FLNC: variants seen among roughly 807,000 people sequenced by gnomAD.
The protein encoded by FLNC is filamin-C.
A neutral mutation model predicts 254.3 loss-of-function variants in FLNC; 91 were observed. The observed-to-expected ratio is 0.36, with a 90% CI of 0.30 to 0.43. The LOEUF is 0.43. Ranked by LOEUF, FLNC falls within the 20% of genes least tolerant of loss-of-function variation. The pLI is 1.00. For missense variants in FLNC, 2,853 were observed against 3,802.6 expected, an observed-to-expected ratio of 0.75 and a Z score of 6.57; for synonymous variants, 1,430 against 1,577.2, an observed-to-expected ratio of 0.91 and a Z score of 2.21.
rs745413025 is a variant in FLNC, at chr7:128,846,404, C to T, written c.4068C>T (p.Phe1356=). 1.1e-5 allele frequency: 17 copies of T among 1,609,082 alleles called. No homozygotes were observed. Among genetic ancestry groups the T allele is most frequent in the Middle Eastern group, 3.3e-4 (2 of 6,084 alleles). The change falls in exon 23 of 48, where the codon TTC becomes TTT. Residue 1356 remains phenylalanine, a synonymous_variant. Transcript: ENST00000325888. ...EGCDPTRVRA[F]GPGLEGGLVN... is the part of the protein sequence containing the mutation. ...GTGATCCCACCCGCGTCCGAGCCTT[C>T]GGGCCAGGCCTGGAGGGTGGCTTGG...
chr7:128,848,802 G>T lies in FLNC; in HGVS notation c.4747G>T (p.Gly1583Cys). 1 of 1,614,138 alleles carries T rather than the reference G, an allele frequency of 6.2e-7. No individual in the cohort carries two copies. The highest frequency in any genetic ancestry group is 1.1e-5 in the South Asian group (1 of 91,082). ...TCTGCTTCTCCCTCAGGACCCCGAG[G>T]GTAAGCCCAAGAAGGCCAACATCCG... ...LLTVQILDPEGKPKKANIRDN... is the reference protein window; with the variant it reads ...LLTVQILDPECKPKKANIRDN... Residue 1583 changes from glycine (G) to cysteine (C), a missense_variant, in exon 28 of 48, where the codon GGT becomes TGT. This residue lies in a region of FLNC where 1,573 missense variants were observed against 1,883.5 expected (regional missense o/e 0.84). Transcript: ENST00000325888.
rs2128938907 is a variant in FLNC, at chr7:128,852,935, A to C, written c.6112A>C (p.Ile2038Leu). 3 of 1,613,568 alleles carry C rather than the reference A, an allele frequency of 1.9e-6. No homozygotes were observed. Among genetic ancestry groups the C allele is most frequent in the Non-Finnish European group, 1.7e-6 (2 of 1,180,016 alleles). The part of the protein sequence containing the change: ...PFKILVGPSE[I>L]GDASKVRVWG... ...CAAGATCCTGGTGGGGCCATCTGAGATCGGGGACGCCAGCAAGGTGCGGGT... is the reference window on the plus strand; with the variant it reads ...CAAGATCCTGGTGGGGCCATCTGAGCTCGGGGACGCCAGCAAGGTGCGGGT... Residue 2038 changes from isoleucine (I) to leucine (L), a missense_variant, in exon 37 of 48, where the codon ATC becomes CTC. Around this residue, in one of 10 missense-constraint regions of FLNC, gnomAD observed 551 missense variants for 835.0 expected, o/e 0.66. Coordinates refer to ENST00000325888, the MANE Select transcript of FLNC (RefSeq NM_001458.5).
In FLNC at chr7:128,848,681, G is replaced by A. The variant is rs1285511670; in HGVS notation, c.4701G>A (p.Arg1567=). ...CTGTGGAGTTCACCATCGACGCACG[G>A]GACGCGGGCGAGGGGTTGCTCACTG... ...SLPVEFTIDA[R]DAGEGLLTVQ... is the part of the protein sequence containing the mutation. The change falls in exon 27 of 48, where the codon CGG becomes CGA. Residue 1567 remains arginine (R), a synonymous_variant. Transcript: ENST00000325888. The A allele has an allele frequency of 6.2e-7, 1 of 1,613,278 alleles. No individual in the cohort carries two copies. Among genetic ancestry groups the A allele is most frequent in the Non-Finnish European group, 8.5e-7 (1 of 1,180,008 alleles).
At position 128,843,318 on chromosome 7, in the gene FLNC, A is replaced by C. The variant is rs1391785800; in HGVS notation, c.2640A>C (p.Thr880=). 6.2e-7 allele frequency: 1 copy of C among 1,613,200 alleles called. No individual in the cohort carries two copies. ...VKAEGPGLNR[T]GVEVGKPTHF... Reference sequence around the variant, plus strand: ...CCGAGGGCCCTGGGCTGAATCGCACAGGTGAGTGTCTGGGCAGGGGCTGGG... The same window carrying C: ...CCGAGGGCCCTGGGCTGAATCGCACCGGTGAGTGTCTGGGCAGGGGCTGGG... The change falls in exon 17 of 48, where the codon ACA becomes ACC. Residue 880 remains threonine, a splice_region_variant and synonymous_variant. Coordinates refer to ENST00000325888, the MANE Select transcript of FLNC (RefSeq NM_001458.5).
At position 128,836,215 on chromosome 7, in the gene FLNC, C is replaced by T. The variant is rs948837546; in HGVS notation, c.601+641C>T. ...TGAGGCATCACTGGCTAGAGCGTACCCCATGGACAGCTCCCTTTCTGCCCC... is the reference window on the plus strand; with the variant it reads ...TGAGGCATCACTGGCTAGAGCGTACTCCATGGACAGCTCCCTTTCTGCCCC... On this transcript the variant is annotated intron_variant, in intron 2 of 47. Transcript: ENST00000325888. This position sits in a 1 kb window ranked among gnomAD's most constrained non-coding sequence, Gnocchi z 6.0. 6.6e-6 allele frequency among the ~76,000 whole-genome samples: 1 copy of T among 152,322 alleles called. No homozygotes were observed. The highest frequency in any genetic ancestry group is 2.4e-5 in the African/African-American group (1 of 41,566).
chr7:128,853,135 A>G (rs550103577), intron 37 of FLNC, 104 bp downstream of exon 37: 1 of 1,182,326 alleles, frequency 8.5e-7, no homozygotes, highest in Admixed American at 1.9e-5. Flanking sequence ...CCTCCCTGAA[A>G]CTTCCTGACC....
In FLNC at chr7:128,842,455, C is replaced by T; in HGVS notation, c.2265+81C>T. 2 of 1,604,948 alleles carry T rather than the reference C, an allele frequency of 1.2e-6. No homozygotes were observed. Among genetic ancestry groups the T allele is most frequent in the Admixed American group, 1.7e-5 (1 of 59,164 alleles). On this transcript the variant is annotated intron_variant, in intron 14 of 47. Transcript: ENST00000325888. The surrounding 1 kb of genome is among the most constrained non-coding windows in gnomAD (Gnocchi z 5.4). ...GAACCCTCGCTGGAGTCCCTGTTGT[C>T]CCTGGGCTCAGGCTGGGACTGAGGC...
Position 128,849,573 on chromosome 7 carries a change from G to C in FLNC, c.5194G>C (p.Val1732Leu), listed in dbSNP as rs374848954. Reference protein sequence around the residue: ...GEHIPNSPFHVLACDPLPHEE... With the variant: ...GEHIPNSPFHLLACDPLPHEE... ...GCACATCCCCAACAGCCCCTTCCACGTGCTGGTAAGTTCTGTAGCCACAGC... is the reference window on the plus strand; with the variant it reads ...GCACATCCCCAACAGCCCCTTCCACCTGCTGGTAAGTTCTGTAGCCACAGC... Residue 1732 changes from valine (V) to leucine (L), a missense_variant, in exon 30 of 48, where the codon GTG becomes CTG. Val to Leu is a conservative substitution (Grantham distance 32). Transcript: ENST00000325888. 1.2e-6 allele frequency: 2 copies of C among 1,613,720 alleles called. No homozygotes were observed. The highest frequency in any genetic ancestry group is 1.3e-5 in the African/African-American group (1 of 74,916).
chr7:128,839,038 G>T (rs999112960), intron 8 of FLNC, among the ~76,000 whole-genome samples: 1 of 152,216 alleles, frequency 6.6e-6, no homozygotes, highest in African/African-American at 2.4e-5. Context: ...ATGGGTGGGG[G>T]CATATCTAGG....
chr7:128,849,372 G>A lies in FLNC; in HGVS notation c.4993G>A (p.Val1665Met). 1.2e-6 allele frequency: 2 copies of A among 1,614,172 alleles called. No individual in the cohort carries two copies. Among genetic ancestry groups the A allele is most frequent in the Non-Finnish European group, 1.7e-6 (2 of 1,180,048 alleles). ...GPRIQIGQET[V>M]ITVDAKAAGE... ...TCGAATCCAGATTGGGCAGGAGACG[G>A]TGATCACGGTGGATGCCAAGGCAGC... Residue 1665 changes from valine to methionine, a missense_variant, in exon 30 of 48, where the codon GTG becomes ATG. Physicochemically the swap from Val to Met is conservative, Grantham distance 21 (BLOSUM62 1). Transcript: ENST00000325888.
At position 128,848,855 on chromosome 7, in the gene FLNC, G is replaced by A. The variant is rs747928612; in HGVS notation, c.4800G>A (p.Val1600=). The A allele has an allele frequency of 9.3e-6, 15 of 1,613,982 alleles. No homozygotes were observed. The highest frequency in any genetic ancestry group is 1.6e-4 in the Middle Eastern group (1 of 6,084). Residue 1600 remains valine (V), a synonymous_variant, in exon 28 of 48, where the codon GTG becomes GTA. Coordinates refer to ENST00000325888, the MANE Select transcript of FLNC (RefSeq NM_001458.5). Reference sequence around the variant, plus strand: ...ACAATGGGGATGGCACGTACACTGTGTCCTACCTGCCGGACATGAGTGGCC... The same window carrying A: ...ACAATGGGGATGGCACGTACACTGTATCCTACCTGCCGGACATGAGTGGCC... ...IRDNGDGTYT[V]SYLPDMSGRY...
In FLNC at chr7:128,841,397, G is replaced by A. The variant is rs1481501692; in HGVS notation, c.2007+34G>A. 1 of 1,613,120 alleles carries A rather than the reference G, an allele frequency of 6.2e-7. No individual in the cohort carries two copies. The highest frequency in any genetic ancestry group is 1.7e-4 in the Middle Eastern group (1 of 6,060). On this transcript the variant is annotated intron_variant, in intron 12 of 47. Coordinates refer to ENST00000325888, the MANE Select transcript of FLNC (RefSeq NM_001458.5). The surrounding 1 kb of genome is among the most constrained non-coding windows in gnomAD (Gnocchi z 4.3). ...CCAGCTCACACACACCTGCCCCGGGGGTGGGGCAAGCTGGTTCTCCTCCCC... is the reference window on the plus strand; with the variant it reads ...CCAGCTCACACACACCTGCCCCGGGAGTGGGGCAAGCTGGTTCTCCTCCCC...
Position 128,850,402 on chromosome 7 carries a change from G to A in FLNC, c.5317G>A (p.Val1773Met), listed in dbSNP as rs1808757326. 1.2e-6 allele frequency: 2 copies of A among 1,613,886 alleles called. No individual in the cohort carries two copies. The highest frequency in any genetic ancestry group is 2.7e-5 in the African/African-American group (2 of 74,936). ...PTHWATEEPV[V>M]PVEPMESMLR... ...GCTGCAGGCCACAGAGGAGCCAGTG[G>A]TGCCTGTGGAGCCAATGGAGTCCAT... The change falls in exon 32 of 48, where the codon GTG becomes ATG. Residue 1773 changes from valine to methionine, a missense_variant. By Grantham distance (21) the Val-to-Met change is conservative. Around this residue, in one of 10 missense-constraint regions of FLNC, gnomAD observed 258 missense variants for 312.3 expected, o/e 0.83. Coordinates refer to ENST00000325888, the MANE Select transcript of FLNC (RefSeq NM_001458.5).
chr7:128,845,648 C>T (rs992831342), intron 21 of FLNC, among the ~76,000 whole-genome samples: 16 of 152,128 alleles, frequency 1.1e-4, no homozygotes, highest in African/African-American at 3.4e-4. Context: ...TGCCAGGGGC[C>T]AGACCCTGGC....
intron 1 of FLNC, among the ~76,000 whole-genome samples, chr7:128,833,647 CTTCCTGCCCAGGGG>C: frequency 6.6e-6 from 1 of 152,306 alleles, no homozygotes; most frequent in South Asian, 2.1e-4. Context: ...AGCCTCAAGG[CTTCCTGCCCAGGGG>C]TCTGGCTCCA....
At chr7:128,850,133 C>T in intron 31 of FLNC, 59 bp downstream of exon 31, 1 of 1,344,052 alleles carries the variant, frequency 7.4e-7, no homozygotes, top group Non-Finnish European at 1.0e-6. Context: ...CATTTCTTCT[C>T]TCTACTCCTC....
rs745648230 is a variant in FLNC at position 128,848,607 on chromosome 7, C to T, written c.4627C>T (p.Arg1543Trp). Residue 1543 changes from arginine (R) to tryptophan (W), a missense_variant, in exon 27 of 48, where the codon CGG (arginine) becomes TGG (tryptophan). Arg to Trp is a moderately radical substitution (Grantham distance 101). This residue lies in a region of FLNC where 1,573 missense variants were observed against 1,883.5 expected (regional missense o/e 0.84). Transcript: ENST00000325888. ...VLPAHDASKVRASGPGLNASG... is the reference protein window; with the variant it reads ...VLPAHDASKVWASGPGLNASG... Reference sequence around the variant, plus strand: ...CCCAGCTCATGATGCCAGCAAGGTGCGGGCCAGCGGCCCAGGCCTCAACGC... The same window carrying T: ...CCCAGCTCATGATGCCAGCAAGGTGTGGGCCAGCGGCCCAGGCCTCAACGC... The T allele has an allele frequency of 2.3e-5, 37 of 1,613,660 alleles. No individual in the cohort carries two copies. The highest frequency in any genetic ancestry group is 1.0e-4 in the Admixed American group (6 of 60,012).
rs1230314944 is a variant in FLNC, at chr7:128,837,651, G to C, written c.865G>C (p.Gly289Arg). The C allele has an allele frequency of 6.2e-6, 10 of 1,612,666 alleles. No individual in the cohort carries two copies. The highest frequency in any genetic ancestry group is 8.5e-6 in the Non-Finnish European group (10 of 1,180,010). Residue 289 changes from glycine to arginine, a missense_variant, in exon 5 of 48, where the codon GGC (glycine) becomes CGC (arginine). This residue lies in a region of FLNC where 1,573 missense variants were observed against 1,883.5 expected (regional missense o/e 0.84). Coordinates refer to ENST00000325888, the MANE Select transcript of FLNC (RefSeq NM_001458.5). ...CTGCCCCGTAGGCATCGAGCCACAG[G>C]GCAACACCGTGCTGCAGCCTGCCCA... ...IAYGPGIEPQ[G>R]NTVLQPAHFT... is the part of the protein sequence containing the mutation.
Position 128,838,895 on chromosome 7 carries a change from AG to A in FLNC, c.1411+93del, listed in dbSNP as rs1808216373. 2.1e-5 allele frequency: 26 copies of A among 1,210,380 alleles called. 1 individual carries two copies. The South Asian group carries it at 3.1e-4, about 15-fold the overall frequency. 75.0% of individuals were successfully genotyped at this position (1,210,380 alleles called of 1,614,324 possible). On this transcript the variant is annotated intron_variant, in intron 8 of 47. Coordinates refer to ENST00000325888, the MANE Select transcript of FLNC (RefSeq NM_001458.5). ...GAAGAGCTGGGGCGGGGGTCTGCAG[AG>A]ACCCCCTCCCTGAGTCCTCCATCCC...
Sources: gnomAD v4.1 joint callset for allele counts (sites outside exome capture counted in the v4.1 genomes callset) on GRCh38, gnomAD v4.1.1 for gene constraint, gnomAD v4.1.1 regional missense constraint, Gnocchi (gnomAD v3.1) non-coding constraint, MANE v1.5 for transcripts, NCBI Gene and HGNC (gene_info 2026-07-23, HGNC 2026-07-21) for gene names.